XPNPEP1: variants seen among roughly 807,000 people sequenced by gnomAD.
The protein encoded by XPNPEP1 is X-prolyl aminopeptidase 1, also known as xaa-Pro aminopeptidase 1.
In XPNPEP1, 39 loss-of-function variants were observed where a neutral mutation model predicts 92.4. The observed-to-expected ratio is 0.42, with a 90% CI of 0.33 to 0.55. The LOEUF (loss-of-function observed/expected upper bound fraction) is 0.55, where lower values mean the gene tolerates loss of function less well. XPNPEP1 is among the 20% of genes least tolerant of loss of function. The probability of loss-of-function intolerance (pLI) is 0.08; values close to 1 mark genes in which losing one functional copy is unlikely to be tolerated. For missense variants in XPNPEP1, 654 were observed against 856.1 expected (o/e 0.76, Z 2.95); for synonymous variants, 307 against 299.4 (o/e 1.03, Z -0.26).
chr10:109,870,632 T>C, intron 18 of XPNPEP1, 99 bp downstream of exon 18: 1 of 1,445,186 alleles, frequency 6.9e-7, no homozygotes, highest in Non-Finnish European at 9.3e-7. Flanking sequence ...GGAAAAGTAT[T>C]GCCAATTTAC....
intron 15 of XPNPEP1, among the ~76,000 whole-genome samples, chr10:109,874,216 CCT>C (rs759634132): frequency 9.2e-5 from 14 of 152,090 alleles, no homozygotes; most frequent in Non-Finnish European, 8.8e-5. Context: ...GACGTCAGCC[CCT>C]GACACACGCA....
chr10:109,880,582 T>C (rs1167587348), intron 11 of XPNPEP1, among the ~76,000 whole-genome samples: 1 of 152,214 alleles, frequency 6.6e-6, no homozygotes, highest in African/African-American at 2.4e-5. Context: ...CCAAAATCTT[T>C]CTTCATCAGC....
At chr10:109,909,327 G>GAAAACC (rs1564789301) in intron 2 of XPNPEP1, among the ~76,000 whole-genome samples, 2 of 152,058 alleles carry the variant, frequency 1.3e-5, no homozygotes, top group East Asian at 3.8e-4. Flanking sequence ...GTTTTCAAAC[G>GAAAACC]AAGTCCCAAG....
intron 9 of XPNPEP1, among the ~76,000 whole-genome samples, chr10:109,883,077 T>A (rs1219708059): frequency 6.6e-6 from 1 of 152,240 alleles, no homozygotes; most frequent in Non-Finnish European, 1.5e-5. Context: ...ATCTAACATG[T>A]GGTTCCCTCT....
chr10:109,915,094 T>C lies in XPNPEP1; in HGVS notation c.38A>G (p.Asn13Ser), dbSNP rs751528187. ...ASRKPPRVRV[N>S]HQDFQLRNLR... The stretch of plus-strand genomic sequence containing the variant: ...ATTTCTCAGTTGAAAATCCTGGTGA[T>C]TCACCCTTAAGGAGAGAAAGAACAG... Residue 13 changes from asparagine (N) to serine (S), a missense_variant, in exon 2 of 21, where the codon AAT becomes AGT. By Grantham distance (46) the Asn-to-Ser change is conservative (BLOSUM62 1). Coordinates refer to ENST00000502935, the MANE Select transcript of XPNPEP1 (RefSeq NM_020383.4). The C allele has an allele frequency of 2.2e-5, 34 of 1,527,144 alleles. No homozygotes were observed. The South Asian group carries it at 3.9e-4, about 18-fold the overall frequency. The allele number at this position is 1,527,144 out of a possible 1,614,324, so 94.6% of individuals were successfully genotyped here. A position where few individuals can be genotyped will look rare whatever the true frequency, so the allele number is the denominator to read the frequency against.
chr10:109,914,674 T>C (rs1850078463), intron 2 of XPNPEP1, among the ~76,000 whole-genome samples: 2 of 151,460 alleles, frequency 1.3e-5, no homozygotes, highest in South Asian at 2.1e-4. Flanking sequence ...CGGGCGCCTG[T>C]AATCCCAGCT....
Position 109,882,610 on chromosome 10 carries a change from G to T in XPNPEP1, c.863C>A (p.Pro288His), listed in dbSNP as rs1263223063. ...LFIDGDRIDAPSVKEHLLLDL... is the reference protein window; with the variant it reads ...LFIDGDRIDAHSVKEHLLLDL... ...AAGAAGCAGGTGCTCCTTCACACTG[G>T]GGGCGTCTATGCGGTCACCATCAAT... The change falls in exon 10 of 21, where the codon CCC (proline) becomes CAC (histidine). Residue 288 changes from proline (P) to histidine (H), a missense_variant. By Grantham distance (77) the Pro-to-His change is moderately conservative. Transcript: ENST00000502935. The T allele has an allele frequency of 6.2e-7, 1 of 1,614,144 alleles. No homozygotes were observed. Among genetic ancestry groups the T allele is most frequent in the East Asian group, 2.2e-5 (1 of 44,888 alleles).
intron 2 of XPNPEP1, among the ~76,000 whole-genome samples, chr10:109,911,882 A>G (rs1465498358): frequency 6.6e-6 from 1 of 152,224 alleles, no homozygotes; most frequent in Non-Finnish European, 1.5e-5. Flanking sequence ...TTTTGGTGGC[A>G]CTGACTGGGT....
At chr10:109,905,937 C>T (rs187514603) in intron 3 of XPNPEP1, among the ~76,000 whole-genome samples, 140 of 152,302 alleles carry the variant, frequency 9.2e-4, no homozygotes, top group Middle Eastern at 3.4e-3. Flanking sequence ...TTCATTTGCT[C>T]CTAAGGCCAG....
At chr10:109,900,437 C>A (rs1849222378) in intron 3 of XPNPEP1, among the ~76,000 whole-genome samples, 1 of 152,166 alleles carries the variant, frequency 6.6e-6, no homozygotes, top group Non-Finnish European at 1.5e-5. Flanking sequence ...TCCCACTTAA[C>A]AGAGTCGCCC....
intron 3 of XPNPEP1, among the ~76,000 whole-genome samples, chr10:109,899,222 G>T (rs1180252669): frequency 1.3e-5 from 2 of 152,228 alleles, no homozygotes; most frequent in Non-Finnish European, 2.9e-5. Context: ...GAAAGTAGCT[G>T]CCCAGCCAGG....
chr10:109,888,582 T>C lies in XPNPEP1; in HGVS notation c.429A>G (p.Thr143=). 1 of 1,607,910 alleles carries C rather than the reference T, an allele frequency of 6.2e-7. No individual in the cohort carries two copies. Among genetic ancestry groups the C allele is most frequent in the Non-Finnish European group, 8.5e-7 (1 of 1,176,326 alleles). ...TCACCAGCCAGTCTTCCTGAGTTGG[T>C]GTGTCCTTCAGACCTACAGGGGGAA... ...WTLMKMGLKD[T]PTQEDWLVSV... The change falls in exon 6 of 21, where the codon ACA becomes ACG. Residue 143 remains threonine, a synonymous_variant. Coordinates refer to ENST00000502935, the MANE Select transcript of XPNPEP1 (RefSeq NM_020383.4).
chr10:109,923,186 C>T, intron 1 of XPNPEP1: 6 of 985,356 alleles, frequency 6.1e-6, no homozygotes, highest in Non-Finnish European at 7.2e-6. Flanking sequence ...CGCCCCGTGC[C>T]CACCGACCCT....
Position 109,871,734 on chromosome 10 carries a change from C to T in XPNPEP1, c.1522+58G>A, listed in dbSNP as rs549666377. Reference sequence around the variant, plus strand: ...ACATGTTCTTTCACTCAAACATAGACATATTTGATTCTCAAACAAGAAAAA... The same window carrying T: ...ACATGTTCTTTCACTCAAACATAGATATATTTGATTCTCAAACAAGAAAAA... On this transcript the variant is annotated intron_variant, in intron 17 of 20. Coordinates refer to ENST00000502935, the MANE Select transcript of XPNPEP1 (RefSeq NM_020383.4). The T allele has an allele frequency of 2.6e-6, 4 of 1,558,634 alleles. No individual in the cohort carries two copies. The East Asian group carries it at 9.0e-5, about 35-fold the overall frequency.
chr10:109,923,394 G>GC lies in XPNPEP1; in HGVS notation c.32+7dup, dbSNP rs1046145424. The GC allele has an allele frequency of 1.4e-6, 2 of 1,438,924 alleles. No homozygotes were observed. The highest frequency in any genetic ancestry group is 4.9e-5 in the Admixed American group (2 of 40,772). 89.1% of individuals were successfully genotyped at this position (1,438,924 alleles called of 1,614,324 possible). A position where few individuals can be genotyped will look rare whatever the true frequency, so the allele number is the denominator to read the frequency against. ...CCCGGACGCCGGCTGCCGGCGGAGT[G>GC]CCCTCACCTTACTCGCGGTGGCTTT... On this transcript the variant is annotated splice_region_variant and intron_variant, in intron 1 of 20. Coordinates refer to ENST00000502935, the MANE Select transcript of XPNPEP1 (RefSeq NM_020383.4).
intron 3 of XPNPEP1, among the ~76,000 whole-genome samples, chr10:109,905,501 A>G (rs1849512278): frequency 6.6e-6 from 1 of 152,040 alleles, no homozygotes; most frequent in African/African-American, 2.4e-5. Flanking sequence ...AGCCACCGTG[A>G]CTGGCCCAGC....
chr10:109,868,381 G>A (rs1357963947), intron 20 of XPNPEP1, among the ~76,000 whole-genome samples: 1 of 151,496 alleles, frequency 6.6e-6, no homozygotes, highest in East Asian at 1.9e-4. Flanking sequence ...GCCCCAGAAT[G>A]GCTGCGGGAA....
chr10:109,882,316 G>A, intron 10 of XPNPEP1, 116 bp downstream of exon 10: 3 of 1,214,408 alleles, frequency 2.5e-6, no homozygotes, highest in Non-Finnish European at 3.5e-6. Flanking sequence ...CTCATCCATG[G>A]AGACCACAGT....
chr10:109,882,321 C>G (rs1848145229), intron 10 of XPNPEP1, 111 bp downstream of exon 10: 7 of 1,292,770 alleles, frequency 5.4e-6, no homozygotes, highest in Non-Finnish European at 7.5e-6. Flanking sequence ...CCATGGAGAC[C>G]ACAGTTCTGA....
Sources: allele counts gnomAD v4.1 joint callset (sites outside exome capture counted in the v4.1 genomes callset), GRCh38; gene constraint gnomAD v4.1.1; transcripts MANE v1.5; gene names NCBI Gene and HGNC (gene_info 2026-07-23, HGNC 2026-07-21).